Variants in MYH14 observed in about 807,000 individuals in gnomAD.
MYH14 encodes myosin heavy chain 14.
In MYH14, 123 loss-of-function variants were observed where a neutral mutation model predicts 255.5. The observed-to-expected ratio is 0.48, with a 90% CI of 0.42 to 0.56. The LOEUF is 0.56. Among genes scored for constraint, MYH14 ranks in the 20% least tolerant of loss-of-function variants. MYH14 has a pLI of 0.00. For synonymous variants in MYH14, 1,095 were observed against 1,161.2 expected, an observed-to-expected ratio of 0.94 and a Z score of 1.16; for missense variants, 2,423 against 2,802.3, an observed-to-expected ratio of 0.86 and a Z score of 3.06.
At chr19:50,300,894 G>A (rs567119881) in intron 39 of MYH14, among the ~76,000 whole-genome samples, 58 of 152,014 alleles carry the variant, frequency 3.8e-4, no homozygotes, top group African/African-American at 1.3e-3. Context: ...GCTGGGCAAC[G>A]GCTGTGCTCC....
chr19:50,297,491 C>CTTGTT (rs2036311918), intron 39 of MYH14, among the ~76,000 whole-genome samples: 1 of 74,324 alleles, frequency 1.3e-5, no homozygotes, highest in Non-Finnish European at 2.4e-5. Flanking sequence ...CTCATCTCCT[C>CTTGTT]TTTTTTTTTT....
intron 12 of MYH14, among the ~76,000 whole-genome samples, chr19:50,248,522 G>C (rs372077205): frequency 6.6e-6 from 1 of 152,178 alleles, no homozygotes; most frequent in East Asian, 1.9e-4. Flanking sequence ...AAGACCCCGT[G>C]GGGGAGATGA....
At chr19:50,297,264 G>A (rs1393268478) in intron 39 of MYH14, among the ~76,000 whole-genome samples, 6 of 152,042 alleles carry the variant, frequency 3.9e-5, no homozygotes, top group Middle Eastern at 3.4e-3. Context: ...GATTACAGAC[G>A]TGAGCCACCG....
chr19:50,227,871 AAGG>A (rs2033185575), intron 8 of MYH14, among the ~76,000 whole-genome samples: 1 of 152,180 alleles, frequency 6.6e-6, no homozygotes, highest in Non-Finnish European at 1.5e-5. Context: ...CCCTCTGTAG[AAGG>A]AGAAGGAACA....
chr19:50,276,608 A>G lies in MYH14; in HGVS notation c.3681-149A>G. 1 of 1,012,668 alleles carries G rather than the reference A, an allele frequency of 9.9e-7. No homozygotes were observed. Among genetic ancestry groups the G allele is most frequent in the Non-Finnish European group, 1.5e-6 (1 of 678,688 alleles). 62.7% of individuals were successfully genotyped at this position (1,012,668 alleles called of 1,614,324 possible). ...TCACCCTTAAAGCCACACTCCTTCCACAGCATCACCACCCAGATCTCCTGA... is the reference window on the plus strand; with the variant it reads ...TCACCCTTAAAGCCACACTCCTTCCGCAGCATCACCACCCAGATCTCCTGA... On this transcript the variant is annotated intron_variant, in intron 28 of 42. Transcript: ENST00000642316. The surrounding 1 kb of genome is among the most constrained non-coding windows in gnomAD (Gnocchi z 4.3).
chr19:50,208,451 CAAACAAAA>C (rs1355791202), intron 1 of MYH14, among the ~76,000 whole-genome samples: 38 of 146,374 alleles, frequency 2.6e-4, no homozygotes, highest in African/African-American at 7.9e-4. Flanking sequence ...AACAAACAAA[CAAACAAAA>C]AAACCCAACA....
intron 9 of MYH14, chr19:50,231,005 T>C: frequency 3.8e-6 from 1 of 262,492 alleles, no homozygotes; most frequent in Non-Finnish European, 7.5e-6. Context: ...CGCTGGTTTG[T>C]GTTGCTTCTC....
intron 23 of MYH14, among the ~76,000 whole-genome samples, chr19:50,267,729 G>A (rs532921729): frequency 1.3e-5 from 2 of 152,260 alleles, no homozygotes; most frequent in South Asian, 2.1e-4. Context: ...GGTATGAAAT[G>A]TATTAAATGA....
chr19:50,278,812 TA>T (rs10605117), intron 30 of MYH14, among the ~76,000 whole-genome samples: 71,697 of 131,682 alleles, frequency 0.54, 19,391 homozygotes, highest in East Asian at 0.77. Context: ...CTGTCTCTAC[TA>T]AAAAAAAAAA....
intron 14 of MYH14, 98 bp downstream of exon 14, chr19:50,249,921 A>G: frequency 1.4e-6 from 2 of 1,459,632 alleles, no homozygotes; most frequent in Admixed American, 1.8e-5. Context: ...GCTGGGCCTC[A>G]GGATGCCCCA....
intron 39 of MYH14, among the ~76,000 whole-genome samples, chr19:50,295,972 G>A (rs563581415): frequency 3.0e-4 from 46 of 152,078 alleles, no homozygotes; most frequent in African/African-American, 7.2e-4. Context: ...CTAGCCAGGC[G>A]TGATGGCGGG....
At chr19:50,271,302 C>A (rs1329588177) in intron 24 of MYH14, 107 bp from the exon 25 acceptor site, 1 of 1,242,138 alleles carries the variant, frequency 8.1e-7, no homozygotes, top group Non-Finnish European at 1.1e-6. Flanking sequence ...CATCTCTGAA[C>A]CACAAGCCGC....
chr19:50,225,041 G>A (rs2033025118), intron 6 of MYH14, among the ~76,000 whole-genome samples: 1 of 152,158 alleles, frequency 6.6e-6, no homozygotes, highest in African/African-American at 2.4e-5. Context: ...AGGAATTTGA[G>A]GCTGCTATGA....
At chr19:50,237,414 C>T (rs1239656398) in intron 10 of MYH14, among the ~76,000 whole-genome samples, 1 of 151,976 alleles carries the variant, frequency 6.6e-6, no homozygotes, top group African/African-American at 2.4e-5. Flanking sequence ...CAACTTCCAC[C>T]TCCCGGGTTC....
intron 10 of MYH14, among the ~76,000 whole-genome samples, chr19:50,237,661 C>T (rs905377604): frequency 3.3e-5 from 5 of 152,140 alleles, no homozygotes; most frequent in Non-Finnish European, 5.9e-5. Flanking sequence ...GAATCTACCT[C>T]GTCGCTGTCC....
At chr19:50,246,966 C>A in intron 11 of MYH14, 38 bp from the exon 12 acceptor site, 1 of 1,463,156 alleles carries the variant, frequency 6.8e-7, no homozygotes, top group Non-Finnish European at 9.5e-7. Context: ...AGCACCTCTT[C>A]CCAGTGCTGA....
At chr19:50,253,314 A>T (rs993366422) in intron 16 of MYH14, among the ~76,000 whole-genome samples, 1 of 151,976 alleles carries the variant, frequency 6.6e-6, no homozygotes, top group African/African-American at 2.4e-5. Flanking sequence ...GTCCTGGTGC[A>T]TGCCTGTAGT....
At chr19:50,253,846 A>G (rs1291752575) in intron 16 of MYH14, among the ~76,000 whole-genome samples, 2 of 152,200 alleles carry the variant, frequency 1.3e-5, no homozygotes, top group Admixed American at 1.3e-4. Context: ...AGTTTCTGGC[A>G]TTTGTCAGTT....
At chr19:50,260,795 GCA>G (rs2034807057) in intron 20 of MYH14, 80 bp downstream of exon 20, 3 of 1,041,846 alleles carry the variant, frequency 2.9e-6, no homozygotes, top group Non-Finnish European at 1.5e-6. Flanking sequence ...GTGTGTGCAT[GCA>G]TATGTGTGCA....
Sources: gnomAD v4.1 joint callset for allele counts (sites outside exome capture counted in the v4.1 genomes callset) on GRCh38, gnomAD v4.1.1 for gene constraint, Gnocchi (gnomAD v3.1) non-coding constraint, MANE v1.5 for transcripts, NCBI Gene and HGNC (gene_info 2026-07-23, HGNC 2026-07-21) for gene names.